Variants in SYCP2 observed in about 807,000 individuals in gnomAD.
SYCP2 encodes synaptonemal complex protein 2.
Under a neutral mutation model 211.3 loss-of-function variants are expected in SYCP2, and 55 were observed. The ratio of observed to expected loss-of-function variants is 0.26; its 90% CI spans 0.21 to 0.33. SYCP2 has a LOEUF of 0.33. SYCP2 is among the 10% of genes least tolerant of loss of function. The pLI is 1.00. For synonymous variants in SYCP2, 570 were observed against 555.2 expected (o/e 1.03, Z -0.37); for missense variants, 1,731 against 1,752.0 (o/e 0.99, Z 0.21).
Position 59,869,792 on chromosome 20 carries a change from ACTTACCTCT to A in SYCP2, c.3738_3741+5del. On this transcript the variant is annotated splice_donor_variant and splice_donor_5th_base_variant and coding_sequence_variant and intron_variant, in exon 36 of 45. Transcript: ENST00000357552. LOFTEE classifies it high-confidence loss of function. The stretch of plus-strand genomic sequence containing the variant: ...GAAAATTTATAAGTTATAGTCCCAC[ACTTACCTCT>A]CTTTTGCTTTGTATATAATTTTCAT... The A allele has an allele frequency of 6.3e-7, 1 of 1,580,142 alleles. No homozygotes were observed. Among genetic ancestry groups the A allele is most frequent in the Non-Finnish European group, 8.7e-7 (1 of 1,154,178 alleles).
At position 59,901,821 on chromosome 20, in the gene SYCP2, A is replaced by G; in HGVS notation, c.1034-11T>C. On this transcript the variant is annotated splice_polypyrimidine_tract_variant and intron_variant, in intron 15 of 44. Coordinates refer to ENST00000357552, the MANE Select transcript of SYCP2 (RefSeq NM_014258.4). ...TCTTTGATTCTCTCACTGTATAGAAACAACACTGATTAGTTTACGTTTCTA... is the reference window on the plus strand; with the variant it reads ...TCTTTGATTCTCTCACTGTATAGAAGCAACACTGATTAGTTTACGTTTCTA... 1 of 1,569,310 alleles carries G rather than the reference A, an allele frequency of 6.4e-7. No homozygotes were observed. Among genetic ancestry groups the G allele is most frequent in the Non-Finnish European group, 8.6e-7 (1 of 1,160,318 alleles).
rs779082341 is a variant in SYCP2 at position 59,880,444 on chromosome 20, G to T, written c.2800C>A (p.Leu934Met). 3.8e-6 allele frequency: 6 copies of T among 1,580,006 alleles called. No homozygotes were observed. The highest frequency in any genetic ancestry group is 1.7e-4 in the Middle Eastern group (1 of 5,862). The change falls in exon 31 of 45, where the codon CTG becomes ATG. Residue 934 changes from leucine to methionine, a missense_variant. Transcript: ENST00000357552. ...TACTCTGTTTCAGTATCACTAAACAGATTTTTCTTTTGATGATTTGTTATA... is the reference window on the plus strand; with the variant it reads ...TACTCTGTTTCAGTATCACTAAACATATTTTTCTTTTGATGATTTGTTATA... ...KIITNHQKKN[L>M]FSDTETEYRC...
Position 59,914,175 on chromosome 20 carries a change from A to T in SYCP2, c.711T>A (p.His237Gln), listed in dbSNP as rs753661080. The T allele has an allele frequency of 6.2e-7, 1 of 1,605,540 alleles. No homozygotes were observed. Among genetic ancestry groups the T allele is most frequent in the South Asian group, 1.1e-5 (1 of 89,736 alleles). Reference protein sequence around the residue: ...TTEKQRQELAHQWFSMDFIAK... With the variant: ...TTEKQRQELAQQWFSMDFIAK... ...CAATAAAATCCATTGAAAACCACTGATGTGCCAGTTCTTGTCTTTGTTTTT... is the reference window on the plus strand; with the variant it reads ...CAATAAAATCCATTGAAAACCACTGTTGTGCCAGTTCTTGTCTTTGTTTTT... The change falls in exon 11 of 45, where the codon CAT (histidine) becomes CAA (glutamine). Residue 237 changes from histidine to glutamine, a missense_variant. Around this residue, in one of 3 missense-constraint regions of SYCP2, gnomAD observed 335 missense variants for 378.8 expected, o/e 0.88. Coordinates refer to ENST00000357552, the MANE Select transcript of SYCP2 (RefSeq NM_014258.4).
chr20:59,924,859 G>A lies in SYCP2; in HGVS notation c.-46-2400C>T, dbSNP rs879275700. Among the ~76,000 whole-genome samples, 18 of 152,044 alleles carry A rather than the reference G, an allele frequency of 1.2e-4. No individual in the cohort carries two copies. In the East Asian group the frequency reaches 3.3e-3, roughly 28 times the overall value. On this transcript the variant is annotated intron_variant, in intron 2 of 44. Transcript: ENST00000357552. ...AGAAACAGACCTATACACATGACTT[G>A]ACTTATGATCAAGGTAGAACATAAA...
At chr20:59,866,035 G>A (rs190701604) in intron 41 of SYCP2, among the ~76,000 whole-genome samples, 170 bp from the exon 42 acceptor site, 2 of 151,364 alleles carry the variant, frequency 1.3e-5, no homozygotes, top group Admixed American at 1.3e-4. Context: ...TATTCCAGAT[G>A]TCATATGCTC....
chr20:59,907,238 G>T, intron 15 of SYCP2, 126 bp downstream of exon 15: 1 of 660,336 alleles, frequency 1.5e-6, no homozygotes, highest in Non-Finnish European at 2.6e-6. Context: ...ATGAATTTCT[G>T]AATGTGAACC....
chr20:59,916,233 A>G (rs954891307), intron 8 of SYCP2, among the ~76,000 whole-genome samples: 1 of 152,198 alleles, frequency 6.6e-6, no homozygotes, highest in Non-Finnish European at 1.5e-5. Context: ...TATTTTTAGC[A>G]TTTAAATACT....
chr20:59,865,810 T>C lies in SYCP2; in HGVS notation c.4376A>G (p.Gln1459Arg). Residue 1459 changes from glutamine (Q) to arginine (R), a missense_variant, in exon 42 of 45, where the codon CAG becomes CGG. By Grantham distance (43) the Gln-to-Arg change is conservative. Coordinates refer to ENST00000357552, the MANE Select transcript of SYCP2 (RefSeq NM_014258.4). ...KFSAYQKSEQ[Q>R]RLHLLKTSLA... ...CCATTAAGAATGTCATACTAACCTC[T>C]GTTGTTCGCTTTTTTGATATGCACT... 7.0e-7 allele frequency: 1 copy of C among 1,424,784 alleles called. No homozygotes were observed. The highest frequency in any genetic ancestry group is 9.4e-7 in the Non-Finnish European group (1 of 1,065,564). 88.3% of individuals were successfully genotyped at this position (1,424,784 alleles called of 1,614,324 possible).
At chr20:59,870,047 CAA>C (rs2059421271) in intron 35 of SYCP2, 64 bp from the exon 36 acceptor site, 3 of 1,070,508 alleles carry the variant, frequency 2.8e-6, no homozygotes, top group African/African-American at 1.6e-5. Context: ...CCCCCCACTT[CAA>C]AAAGAGTTGA....
intron 33 of SYCP2, among the ~76,000 whole-genome samples, chr20:59,876,861 CA>C (rs2059570857): frequency 6.6e-6 from 1 of 151,896 alleles, no homozygotes; most frequent in South Asian, 2.1e-4. Flanking sequence ...TTCAAGTAAA[CA>C]AAAAATGAAA....
chr20:59,883,541 A>G (rs1377484299), intron 26 of SYCP2, among the ~76,000 whole-genome samples: 4 of 152,114 alleles, frequency 2.6e-5, no homozygotes, highest in Admixed American at 1.3e-4. Flanking sequence ...GAAATTTGCT[A>G]TAACATGGAT....
intron 12 of SYCP2, 24 bp downstream of exon 12, chr20:59,913,951 G>C (rs368706145): frequency 1.2e-5 from 18 of 1,562,450 alleles, no homozygotes; most frequent in Non-Finnish European, 1.6e-5. Context: ...GACAGTAAAT[G>C]GTTGTATCTT....
At chr20:59,891,839 G>A (rs2059912805) in intron 24 of SYCP2, 151 bp downstream of exon 24, 1 of 639,568 alleles carries the variant, frequency 1.6e-6, no homozygotes, top group South Asian at 2.2e-5. Context: ...CAAGGGAGAG[G>A]TGAGTGAGGA....
chr20:59,925,086 AT>A (rs1419233967), intron 2 of SYCP2, among the ~76,000 whole-genome samples: 7 of 152,118 alleles, frequency 4.6e-5, no homozygotes, highest in Non-Finnish European at 8.8e-5. Flanking sequence ...GCAATAAGCA[AT>A]AAGCAAGATT....
chr20:59,933,323 C>T (rs1182637667), intron 1 of SYCP2: 1 of 151,882 alleles, frequency 6.6e-6, no homozygotes, highest in African/African-American at 2.4e-5. Context: ...GATGGGGAGC[C>T]TCGCGCCTGC....
intron 33 of SYCP2, among the ~76,000 whole-genome samples, chr20:59,875,696 C>T (rs1038840241): frequency 6.6e-6 from 1 of 151,912 alleles, no homozygotes; most frequent in African/African-American, 2.4e-5. Flanking sequence ...TTAAGAGATA[C>T]AAATAGCCTT....
At chr20:59,932,472 T>A (rs1425995141) in intron 1 of SYCP2, among the ~76,000 whole-genome samples, 2 of 152,014 alleles carry the variant, frequency 1.3e-5, no homozygotes, top group Non-Finnish European at 2.9e-5. Context: ...GGTCAGGAGT[T>A]CGAGACCAGC....
Position 59,864,194 on chromosome 20 carries a change from A to AG in SYCP2, c.*116_*117insC. ...TTTTTTTTAATTTGAGGGTTCCTAT[A>AG]AAGGGTACACTTGCTTCGGTGACAT... is the stretch of plus-strand genomic sequence containing the variant. On this transcript the variant is annotated 3_prime_UTR_variant, in exon 45 of 45. Transcript: ENST00000357552. The AG allele has an allele frequency of 3.0e-6, 2 of 668,838 alleles. No homozygotes were observed. Among genetic ancestry groups the AG allele is most frequent in the Non-Finnish European group, 4.8e-6 (2 of 415,728 alleles). 41.4% of individuals were successfully genotyped at this position (668,838 alleles called of 1,614,324 possible).
intron 2 of SYCP2, among the ~76,000 whole-genome samples, chr20:59,923,994 CAT>C (rs2060589010): frequency 6.6e-6 from 1 of 151,876 alleles, no homozygotes; most frequent in African/African-American, 2.4e-5. Context: ...GCTGCTCTGA[CAT>C]ATTGACTATT....
Sources: gnomAD v4.1 joint callset for allele counts (sites outside exome capture counted in the v4.1 genomes callset) on GRCh38, gnomAD v4.1.1 for gene constraint, gnomAD v4.1.1 regional missense constraint, MANE v1.5 for transcripts, NCBI Gene and HGNC (gene_info 2026-07-23, HGNC 2026-07-21) for gene names.